The following MYRIP variants were observed in gnomAD, a reference collection of about 807,000 sequenced individuals.
The protein encoded by MYRIP is myosin VIIA and Rab interacting protein, also known as rab effector MyRIP.
Under a neutral mutation model 98.0 loss-of-function variants are expected in MYRIP, and 49 were observed. The observed-to-expected ratio is 0.50, with a 90% CI of 0.40 to 0.63. The LOEUF (loss-of-function observed/expected upper bound fraction) is 0.63. Among genes scored for constraint, MYRIP ranks in the 30% least tolerant of loss-of-function variants. The pLI is 0.00. For missense variants in MYRIP, 1,004 were observed against 1,058.2 expected, an observed-to-expected ratio of 0.95 and a Z score of 0.71; for synonymous variants, 404 against 409.5, an observed-to-expected ratio of 0.99 and a Z score of 0.16.
At chr3:40,077,423 G>C (rs916740903) in intron 3 of MYRIP, among the ~76,000 whole-genome samples, 1 of 152,062 alleles carries the variant, frequency 6.6e-6, no homozygotes, top group Non-Finnish European at 1.5e-5. Flanking sequence ...TAGACACAAA[G>C]GTTCTCCACA....
Position 40,233,956 on chromosome 3 carries a change from A to C in MYRIP, c.2003A>C (p.Glu668Ala). Residue 668 changes from glutamate (E) to alanine (A), a missense_variant, in exon 12 of 17, where the codon GAG becomes GCG. By Grantham distance (107) the Glu-to-Ala change is moderately radical. This residue lies in a region of MYRIP where 880 missense variants were observed against 907.7 expected (regional missense o/e 0.97). Transcript: ENST00000302541. Reference sequence around the variant, plus strand: ...ATAGCAGGATCTACAGGGCCCTGGGAGTCCCCACAAGTCCCTCCTGACAGA... The same window carrying C: ...ATAGCAGGATCTACAGGGCCCTGGGCGTCCCCACAAGTCCCTCCTGACAGA... ...ELIAGSTGPWESPQVPPDRQK... is the reference protein window; with the variant it reads ...ELIAGSTGPWASPQVPPDRQK... 6.2e-7 allele frequency: 1 copy of C among 1,613,906 alleles called. No homozygotes were observed. The highest frequency in any genetic ancestry group is 8.5e-7 in the Non-Finnish European group (1 of 1,179,932).
At chr3:40,056,104 A>G (rs1412728215) in intron 3 of MYRIP, among the ~76,000 whole-genome samples, 2 of 152,220 alleles carry the variant, frequency 1.3e-5, no homozygotes, top group Non-Finnish European at 2.9e-5. Flanking sequence ...CTGGCTCTTT[A>G]GCGAGCTTGT....
At chr3:40,058,257 A>T (rs1469799062) in intron 3 of MYRIP, among the ~76,000 whole-genome samples, 6 of 152,176 alleles carry the variant, frequency 3.9e-5, no homozygotes, top group Non-Finnish European at 8.8e-5. Context: ...GAAAGACTTC[A>T]TAGGATCATA....
chr3:40,128,925 G>A (rs1489080831), intron 3 of MYRIP, among the ~76,000 whole-genome samples: 3 of 152,096 alleles, frequency 2.0e-5, no homozygotes, highest in African/African-American at 7.2e-5. Context: ...TATGTGTAAT[G>A]ATTTGAATTT....
At chr3:39,890,049 C>G (rs1474163351) in intron 1 of MYRIP, among the ~76,000 whole-genome samples, 2 of 152,018 alleles carry the variant, frequency 1.3e-5, no homozygotes, top group Admixed American at 6.6e-5. Context: ...CAGATAATCT[C>G]AAATTTTTCT....
Position 40,162,901 on chromosome 3 carries a change from T to C in MYRIP, c.550+91T>C, listed in dbSNP as rs186696494. The C allele has an allele frequency of 2.8e-3, 3,332 of 1,179,514 alleles. 4 individuals are homozygous for C. Among genetic ancestry groups the C allele is most frequent in the Non-Finnish European group, 3.4e-3 (2,656 of 791,838 alleles). The allele number at this position is 1,179,514 out of a possible 1,614,324, so 73.1% of individuals were successfully genotyped here. A position where few individuals can be genotyped will look rare whatever the true frequency, so the allele number is the denominator to read the frequency against. On this transcript the variant is annotated intron_variant, in intron 5 of 16. Coordinates refer to ENST00000302541, the MANE Select transcript of MYRIP (RefSeq NM_015460.4). ...GTACTGCCAGGGTCCCCCAGATGCA[T>C]TGTTACCCCAGATGCAACTATCTAC... is the stretch of plus-strand genomic sequence containing the variant.
At chr3:39,925,210 C>CA (rs1944395474) in intron 2 of MYRIP, among the ~76,000 whole-genome samples, 2 of 150,766 alleles carry the variant, frequency 1.3e-5, no homozygotes, top group African/African-American at 5.0e-5. Flanking sequence ...GCAAGACTCA[C>CA]AAGGGAAAAA....
intron 2 of MYRIP, among the ~76,000 whole-genome samples, chr3:39,996,362 A>C (rs1279604161): frequency 3.9e-5 from 6 of 152,194 alleles, no homozygotes; most frequent in Non-Finnish European, 8.8e-5. Flanking sequence ...TGGAAAACAA[A>C]AAAAGGCAGG....
intron 11 of MYRIP, among the ~76,000 whole-genome samples, chr3:40,231,794 A>G (rs1952667439): frequency 6.6e-6 from 1 of 151,996 alleles, no homozygotes. Flanking sequence ...CCTTGGTCAT[A>G]TATCTTTCTT....
intron 2 of MYRIP, among the ~76,000 whole-genome samples, chr3:40,025,477 A>G (rs1947104382): frequency 6.6e-6 from 1 of 152,056 alleles, no homozygotes; most frequent in South Asian, 2.1e-4. Flanking sequence ...ATTATCATGA[A>G]CACTGTTAAT....
chr3:40,171,369 G>GC (rs1950608994), intron 8 of MYRIP, among the ~76,000 whole-genome samples: 1 of 152,192 alleles, frequency 6.6e-6, no homozygotes, highest in Non-Finnish European at 1.5e-5. Context: ...ACTGGATGGA[G>GC]CAGGGGAGCA....
chr3:40,241,558 T>G (rs529770461), intron 12 of MYRIP, among the ~76,000 whole-genome samples: 1 of 152,284 alleles, frequency 6.6e-6, no homozygotes, highest in East Asian at 1.9e-4. Flanking sequence ...TTGAGATACA[T>G]ATTAGTACAT....
chr3:39,881,850 C>T (rs569138310), intron 1 of MYRIP, among the ~76,000 whole-genome samples: 4 of 152,158 alleles, frequency 2.6e-5, no homozygotes, highest in South Asian at 2.1e-4. Flanking sequence ...TTCCTTCCTA[C>T]GTACTTCCAT....
chr3:40,177,677 G>A (rs182481383), intron 8 of MYRIP, among the ~76,000 whole-genome samples: 13 of 152,240 alleles, frequency 8.5e-5, no homozygotes, highest in Admixed American at 5.9e-4. Flanking sequence ...GCCTTAAGAC[G>A]CAATATCCTA....
chr3:39,915,320 C>T (rs915401340), intron 2 of MYRIP, among the ~76,000 whole-genome samples: 1 of 152,000 alleles, frequency 6.6e-6, no homozygotes, highest in Non-Finnish European at 1.5e-5. Context: ...AAAGCTCTTC[C>T]ATTGATTTTG....
intron 2 of MYRIP, among the ~76,000 whole-genome samples, chr3:39,938,170 T>G (rs920691308): frequency 2.0e-4 from 30 of 152,202 alleles, no homozygotes; most frequent in Non-Finnish European, 5.9e-5. Flanking sequence ...TCACCAAGGA[T>G]AATGCCAGCC....
chr3:40,199,168 G>A (rs1951482986), intron 10 of MYRIP, among the ~76,000 whole-genome samples: 1 of 152,176 alleles, frequency 6.6e-6, no homozygotes, highest in South Asian at 2.1e-4. Flanking sequence ...TTTCGGAGCT[G>A]AAATCCAAGA....
chr3:40,252,964 TA>T (rs1953427073), intron 16 of MYRIP, among the ~76,000 whole-genome samples: 1 of 152,234 alleles, frequency 6.6e-6, no homozygotes, highest in South Asian at 2.1e-4. Context: ...TCTTAAATTC[TA>T]ATCAGTCTAC....
intron 1 of MYRIP, among the ~76,000 whole-genome samples, chr3:39,875,937 G>T (rs1942979664): frequency 6.6e-6 from 1 of 152,028 alleles, no homozygotes; most frequent in Non-Finnish European, 1.5e-5. Context: ...TGTTGACAGT[G>T]GGGTGTTAAT....
Sources: gnomAD v4.1 joint callset for allele counts (sites outside exome capture counted in the v4.1 genomes callset) on GRCh38, gnomAD v4.1.1 for gene constraint, gnomAD v4.1.1 regional missense constraint, MANE v1.5 for transcripts, NCBI Gene and HGNC (gene_info 2026-07-23, HGNC 2026-07-21) for gene names.